Variants in ANKH observed in about 807,000 individuals in gnomAD.
The protein encoded by ANKH is mineralization regulator ANKH.
Under a neutral mutation model 49.0 loss-of-function variants are expected in ANKH, and 15 were observed. The observed-to-expected ratio is 0.31, with a 90% CI of 0.20 to 0.47. The LOEUF is 0.47. ANKH is among the 20% of genes least tolerant of loss of function. The pLI is 1.00. For missense variants in ANKH, 429 were observed against 652.0 expected (o/e 0.66, Z 3.72); for synonymous variants, 273 against 260.0 (o/e 1.05, Z -0.48).
chr5:14,844,120 T>C (rs1741891637), intron 1 of ANKH, among the ~76,000 whole-genome samples: 1 of 152,176 alleles, frequency 6.6e-6, no homozygotes, highest in Non-Finnish European at 1.5e-5. Context: ...TGGCAGTGAT[T>C]TGTTTCACTC....
At chr5:14,818,644 C>CA (rs34629052) in intron 1 of ANKH, among the ~76,000 whole-genome samples, 1,087 of 64,662 alleles carry the variant, frequency 0.017, 16 homozygotes, top group African/African-American at 0.043. Flanking sequence ...AACTCCATCT[C>CA]AAAAAAAAAA....
chr5:14,779,679 G>T (rs1430247500), intron 1 of ANKH, among the ~76,000 whole-genome samples: 1 of 152,188 alleles, frequency 6.6e-6, no homozygotes, highest in Non-Finnish European at 1.5e-5. Flanking sequence ...TAGACTTCTG[G>T]ATGAAAAACC....
chr5:14,763,726 T>C (rs182552541), intron 2 of ANKH, among the ~76,000 whole-genome samples: 8 of 152,340 alleles, frequency 5.3e-5, no homozygotes, highest in Admixed American at 4.6e-4. Flanking sequence ...TTCTTATTCA[T>C]GTTTGAATTC....
chr5:14,755,689 T>C (rs1738862638), intron 4 of ANKH, among the ~76,000 whole-genome samples, 172 bp downstream of exon 4: 1 of 152,242 alleles, frequency 6.6e-6, no homozygotes, highest in Non-Finnish European at 1.5e-5. Context: ...CATTCCCTTT[T>C]CTCATTCATT....
chr5:14,779,595 A>C (rs1295670078), intron 1 of ANKH, among the ~76,000 whole-genome samples: 1 of 152,264 alleles, frequency 6.6e-6, no homozygotes, highest in Non-Finnish European at 1.5e-5. Context: ...ATACATGCAC[A>C]AATGAATGTG....
chr5:14,780,191 T>A (rs1456836429), intron 1 of ANKH, among the ~76,000 whole-genome samples: 1 of 152,072 alleles, frequency 6.6e-6, no homozygotes, highest in African/African-American at 2.4e-5. Flanking sequence ...AGTCAGGACG[T>A]GCCAAGGGCT....
intron 1 of ANKH, among the ~76,000 whole-genome samples, chr5:14,822,927 G>A (rs950959528): frequency 1.3e-5 from 2 of 152,154 alleles, no homozygotes; most frequent in South Asian, 2.1e-4. Flanking sequence ...CCAGCTACTC[G>A]GGAGGCTGAG....
chr5:14,787,301 A>G lies in ANKH; in HGVS notation c.97-18110T>C, dbSNP rs911723284. On this transcript the variant is annotated intron_variant, in intron 1 of 11. Coordinates refer to ENST00000284268, the MANE Select transcript of ANKH (RefSeq NM_054027.6). ...TGCACTCCAGCCTGGGCAACAGAGC[A>G]AGACTCCATCTCAAAAAAAGAAAAA... Among the ~76,000 whole-genome samples, 4 of 152,124 alleles carry G rather than the reference A, an allele frequency of 2.6e-5. No homozygotes were observed. The South Asian group carries it at 6.2e-4, about 24-fold the overall frequency.
At chr5:14,816,395 A>AT (rs201436529) in intron 1 of ANKH, among the ~76,000 whole-genome samples, 3 of 151,784 alleles carry the variant, frequency 2.0e-5, no homozygotes, top group African/African-American at 7.3e-5. Flanking sequence ...TGTGTGGATG[A>AT]TTTTTTTTTC....
intron 1 of ANKH, among the ~76,000 whole-genome samples, chr5:14,784,397 G>C (rs1349822098): frequency 6.6e-6 from 1 of 152,178 alleles, no homozygotes; most frequent in African/African-American, 2.4e-5. Context: ...GACTGAAGAG[G>C]GTGGGGCGGC....
rs890218889 is a variant in ANKH, at chr5:14,713,310, C to A, written c.1265+234G>T. On this transcript the variant is annotated intron_variant, in intron 10 of 11. Transcript: ENST00000284268. The surrounding 1 kb of genome is among the most constrained non-coding windows in gnomAD (Gnocchi z 4.4). ...AAGCCCGTGCAGGGCCGGCCATGCC[C>A]TGACAGGAGCTCAGTGGCTATTATT... 1.8e-4 allele frequency among the ~76,000 whole-genome samples: 28 copies of A among 152,310 alleles called. No individual in the cohort carries two copies. The highest frequency in any genetic ancestry group is 3.7e-4 in the Non-Finnish European group (25 of 68,026).
intron 1 of ANKH, among the ~76,000 whole-genome samples, chr5:14,842,190 C>T (rs184079702): frequency 2.8e-4 from 43 of 152,232 alleles, no homozygotes; most frequent in African/African-American, 9.9e-4. Context: ...TGGTAGACAG[C>T]TAATTAGGGT....
Position 14,745,529 on chromosome 5 carries a change from G to A in ANKH, c.915+341C>T, listed in dbSNP as rs572198483. Among the ~76,000 whole-genome samples the A allele has an allele frequency of 1.1e-4, 17 of 152,298 alleles. No individual in the cohort carries two copies. The highest frequency in any genetic ancestry group is 2.9e-4 in the African/African-American group (12 of 41,562). ...CTGGTATGGGGTCAGCAAAGCATTC[G>A]TTTAAAGAAACAAACCACAGAAATA... is the stretch of plus-strand genomic sequence containing the variant. On this transcript the variant is annotated intron_variant, in intron 7 of 11. Coordinates refer to ENST00000284268, the MANE Select transcript of ANKH (RefSeq NM_054027.6). This position sits in a 1 kb window ranked among gnomAD's most constrained non-coding sequence, Gnocchi z 4.7.
rs145463643 is a variant in ANKH, at chr5:14,758,543, C to T, written c.369G>A (p.Ser123=). ...IINKLHHVDE[S]VGSKTRRAFL... The stretch of plus-strand genomic sequence containing the variant: ...AGGCCCTTCTCGTCTTGCTCCCCAC[C>T]GACTCGTCCACATGGTGCAGTTTAT... Residue 123 remains serine (S), a synonymous_variant, in exon 3 of 12, where the codon TCG becomes TCA. Transcript: ENST00000284268. 1.6e-4 allele frequency: 261 copies of T among 1,614,118 alleles called. 1 individual carries two copies. In the African/African-American group the frequency reaches 2.5e-3, roughly 15 times the overall value.
At chr5:14,787,630 G>T (rs1242219316) in intron 1 of ANKH, among the ~76,000 whole-genome samples, 2 of 152,174 alleles carry the variant, frequency 1.3e-5, no homozygotes, top group Non-Finnish European at 2.9e-5. Context: ...GAAAAAAAAT[G>T]AAAGCAACTT....
chr5:14,793,011 TATATATATAA>T (rs1366087011), intron 1 of ANKH, among the ~76,000 whole-genome samples: 10 of 78,298 alleles, frequency 1.3e-4, no homozygotes, highest in East Asian at 7.8e-4. Flanking sequence ...TATATAAATA[TATATATATAA>T]ATATATATAT....
chr5:14,777,912 G>C (rs144797975), intron 1 of ANKH, among the ~76,000 whole-genome samples: 173 of 152,316 alleles, frequency 1.1e-3, no homozygotes, highest in African/African-American at 4.0e-3. Flanking sequence ...TGATTCCTCT[G>C]GGCCTTTGGA....
At position 14,758,501 on chromosome 5, in the gene ANKH, G is replaced by C. The variant is rs140782258; in HGVS notation, c.411C>G (p.Ala137=). The change falls in exon 3 of 12, where the codon GCC becomes GCG. Residue 137 remains alanine (A), a synonymous_variant. Transcript: ENST00000284268. The part of the protein sequence containing the change: ...KTRRAFLYLA[A]FPFMDAMAWT... The stretch of plus-strand genomic sequence containing the variant: ...TCACCATTGCGTCCATGAAAGGAAA[G>C]GCGGCGAGGTACAGGAAGGCCCTTC... 46 of 1,613,982 alleles carry C rather than the reference G, an allele frequency of 2.9e-5. No individual in the cohort carries two copies. Among genetic ancestry groups the C allele is most frequent in the Non-Finnish European group, 3.5e-5 (41 of 1,179,952 alleles).
intron 2 of ANKH, among the ~76,000 whole-genome samples, chr5:14,759,135 A>G (rs1733838216): frequency 6.6e-6 from 1 of 152,218 alleles, no homozygotes; most frequent in Non-Finnish European, 1.5e-5. Context: ...CTTTAAAGCT[A>G]GCTTTTTCAC....
Sources: allele counts gnomAD v4.1 joint callset (sites outside exome capture counted in the v4.1 genomes callset), GRCh38; gene constraint gnomAD v4.1.1; non-coding constraint Gnocchi (gnomAD v3.1); transcripts MANE v1.5; gene names NCBI Gene and HGNC (gene_info 2026-07-23, HGNC 2026-07-21).